NOL4: variants seen among roughly 807,000 people sequenced by gnomAD.
NOL4 encodes the protein cancer/testis antigen 125.
NOL4 carries 17 observed loss-of-function variants against 75.9 expected under a neutral mutation model. The observed-to-expected ratio is 0.22, with a 90% confidence interval of 0.15 to 0.34. The LOEUF (loss-of-function observed/expected upper bound fraction) is 0.34, where lower values mean the gene tolerates loss of function less well. Ranked by LOEUF, NOL4 falls within the 10% of genes least tolerant of loss-of-function variation. The pLI is 1.00. For synonymous variants in NOL4, 292 were observed against 289.9 expected, an observed-to-expected ratio of 1.01 and a Z score of -0.07; for missense variants, 614 against 793.5, an observed-to-expected ratio of 0.77 and a Z score of 2.72.
intron 9 of NOL4, among the ~76,000 whole-genome samples, chr18:33,893,201 A>C (rs2065201713): frequency 6.6e-6 from 1 of 152,154 alleles, no homozygotes; most frequent in African/African-American, 2.4e-5. Flanking sequence ...ATCAATATGC[A>C]TTTCATATAT....
intron 1 of NOL4, among the ~76,000 whole-genome samples, chr18:34,180,363 C>T (rs1466516141): frequency 1.3e-5 from 2 of 151,442 alleles, no homozygotes; most frequent in African/African-American, 4.8e-5. Context: ...TGTAATATCT[C>T]ATAAAATAAA....
chr18:34,043,703 A>G (rs890657496), intron 5 of NOL4, among the ~76,000 whole-genome samples: 2 of 152,206 alleles, frequency 1.3e-5, no homozygotes, highest in African/African-American at 4.8e-5. Context: ...TGATAGTCCA[A>G]TGAGATAATG....
At position 34,111,077 on chromosome 18, in the gene NOL4, T is replaced by C. The variant is rs144578377; in HGVS notation, c.415-5917A>G. On this transcript the variant is annotated intron_variant, in intron 2 of 10. Transcript: ENST00000261592. Reference sequence around the variant, plus strand: ...AAGGGATAATCTCTTTAATAAATGGTATTTGGAAACTGGATAACCAAATGT... The same window carrying C: ...AAGGGATAATCTCTTTAATAAATGGCATTTGGAAACTGGATAACCAAATGT... Among the ~76,000 whole-genome samples the C allele has an allele frequency of 9.9e-4, 151 of 152,284 alleles. 1 individual carries two copies. The East Asian group carries it at 0.027, about 28-fold the overall frequency.
chr18:33,949,944 C>T (rs1173462738), intron 8 of NOL4, among the ~76,000 whole-genome samples: 1 of 151,836 alleles, frequency 6.6e-6, no homozygotes, highest in Admixed American at 6.6e-5. Context: ...AAATAACATG[C>T]TTTAATTTTA....
chr18:34,145,873 T>C (rs1257199603), intron 1 of NOL4, among the ~76,000 whole-genome samples: 1 of 152,110 alleles, frequency 6.6e-6, no homozygotes, highest in East Asian at 1.9e-4. Context: ...AAATTAATGA[T>C]TTACCCAAGA....
intron 9 of NOL4, among the ~76,000 whole-genome samples, chr18:33,897,407 T>C (rs954958311): frequency 4.6e-5 from 7 of 152,190 alleles, no homozygotes; most frequent in Non-Finnish European, 1.0e-4. Context: ...ATGTGGTATA[T>C]ATACACTATG....
intron 5 of NOL4, among the ~76,000 whole-genome samples, chr18:34,079,568 G>A (rs557861152): frequency 5.9e-5 from 9 of 152,116 alleles, no homozygotes; most frequent in African/African-American, 1.2e-4. Context: ...CACTTGCTCC[G>A]ATCTTGTACC....
intron 2 of NOL4, among the ~76,000 whole-genome samples, chr18:34,128,234 TG>T (rs1387999587): frequency 6.6e-6 from 1 of 151,938 alleles, no homozygotes; most frequent in Admixed American, 6.6e-5. Flanking sequence ...AAATTGCTTT[TG>T]GCACCTAAAC....
intron 10 of NOL4, among the ~76,000 whole-genome samples, chr18:33,862,284 G>A (rs78488954): frequency 5.3e-5 from 8 of 151,338 alleles, no homozygotes; most frequent in Admixed American, 1.3e-4. Context: ...ATGGATTAAA[G>A]ACTTAAACGT....
chr18:34,156,547 G>A (rs966161465), intron 1 of NOL4: 3 of 152,106 alleles, frequency 2.0e-5, no homozygotes, highest in Non-Finnish European at 2.9e-5. Flanking sequence ...CTTGGGATGT[G>A]GAAAGCTCCA....
chr18:33,981,128 G>A (rs1208315341), intron 6 of NOL4, among the ~76,000 whole-genome samples: 1 of 151,908 alleles, frequency 6.6e-6, no homozygotes, highest in Non-Finnish European at 1.5e-5. Flanking sequence ...TGAGCATGAG[G>A]ATATGTCAAT....
chr18:34,202,897 A>C (rs188239577), intron 1 of NOL4, among the ~76,000 whole-genome samples: 8 of 152,192 alleles, frequency 5.3e-5, no homozygotes, highest in Non-Finnish European at 1.0e-4. Context: ...CAAACTAAAC[A>C]TACAATTAAC....
At chr18:33,951,546 C>A (rs56235556) in intron 8 of NOL4, among the ~76,000 whole-genome samples, 1,574 of 152,058 alleles carry the variant, frequency 0.01, 32 homozygotes, top group African/African-American at 0.036. Flanking sequence ...TCATCATTAT[C>A]TTTTTCAATT....
intron 1 of NOL4, among the ~76,000 whole-genome samples, chr18:34,195,351 G>A (rs2035251626): frequency 6.6e-6 from 1 of 151,838 alleles, no homozygotes; most frequent in Admixed American, 6.6e-5. Context: ...ATTGACAATT[G>A]GCATCATCTG....
chr18:34,129,831 C>A, intron 2 of NOL4, 40 bp downstream of exon 2: 1 of 1,506,976 alleles, frequency 6.6e-7, no homozygotes, highest in African/African-American at 1.4e-5. Flanking sequence ...AATATCAAGT[C>A]TCGAAATGCA....
chr18:34,035,414 A>G (rs1345042929), intron 5 of NOL4, among the ~76,000 whole-genome samples: 3 of 152,148 alleles, frequency 2.0e-5, no homozygotes, highest in African/African-American at 7.2e-5. Flanking sequence ...TTTTGAAACA[A>G]ATGAAAATAG....
chr18:33,946,650 T>C (rs1027058592), intron 8 of NOL4, among the ~76,000 whole-genome samples: 1 of 151,768 alleles, frequency 6.6e-6, no homozygotes, highest in African/African-American at 2.4e-5. Context: ...TAACCACACA[T>C]TGCATTTAGC....
At chr18:34,181,677 G>A (rs866279023) in intron 1 of NOL4, among the ~76,000 whole-genome samples, 3 of 151,298 alleles carry the variant, frequency 2.0e-5, no homozygotes, top group Non-Finnish European at 4.4e-5. Flanking sequence ...TTTGAGAAGG[G>A]TCTAATTCTA....
intron 1 of NOL4, among the ~76,000 whole-genome samples, chr18:34,170,903 ATGAGTGT>A (rs2032969435): frequency 6.6e-6 from 1 of 152,178 alleles, no homozygotes; most frequent in Non-Finnish European, 1.5e-5. Context: ...TAAATATATA[ATGAGTGT>A]ATATTTATGC....
Sources: gnomAD v4.1 joint callset for allele counts (sites outside exome capture counted in the v4.1 genomes callset) on GRCh38, gnomAD v4.1.1 for gene constraint, MANE v1.5 for transcripts, NCBI Gene and HGNC (gene_info 2026-07-23, HGNC 2026-07-21) for gene names.